The following SCAPER variants were observed in gnomAD, a reference collection of about 807,000 sequenced individuals.
SCAPER encodes the protein S-phase cyclin A associated protein in the ER, also known as S phase cyclin A-associated protein in the endoplasmic reticulum.
A neutral mutation model predicts 182.2 loss-of-function variants in SCAPER; 98 were observed. The ratio of observed to expected loss-of-function variants is 0.54; its 90% confidence interval spans 0.46 to 0.64. The LOEUF (loss-of-function observed/expected upper bound fraction) is 0.64, where lower values mean the gene tolerates loss of function less well. Ranked by LOEUF, SCAPER falls within the 30% of genes least tolerant of loss-of-function variation. The pLI, the probability that SCAPER is intolerant of heterozygous loss-of-function variation, is 0.00. For missense variants in SCAPER, 1,432 were observed against 1,690.0 expected (o/e 0.85, Z 2.68); for synonymous variants, 605 against 564.6 (o/e 1.07, Z -1.01).
At chr15:76,600,429 G>A (rs193295460) in intron 22 of SCAPER, among the ~76,000 whole-genome samples, 10,821 of 69,768 alleles carry the variant, frequency 0.16, 3,079 homozygotes, top group Middle Eastern at 0.31. Flanking sequence ...GTGTGTGTGT[G>A]TATACATATA....
intron 4 of SCAPER, among the ~76,000 whole-genome samples, chr15:76,848,142 G>A (rs1449331374): frequency 6.6e-6 from 1 of 151,634 alleles, no homozygotes; most frequent in African/African-American, 2.4e-5. Context: ...CGAGTAGCTG[G>A]GATTACAGCC....
intron 23 of SCAPER, among the ~76,000 whole-genome samples, chr15:76,526,067 T>C (rs1168523609): frequency 6.6e-6 from 1 of 152,218 alleles, no homozygotes; most frequent in Non-Finnish European, 1.5e-5. Flanking sequence ...CAATAATTAA[T>C]AAAATACTCA....
chr15:76,775,236 C>T (rs2063678334), intron 8 of SCAPER, 119 bp from the exon 9 acceptor site: 6 of 829,230 alleles, frequency 7.2e-6, no homozygotes, highest in Non-Finnish European at 1.1e-5. Flanking sequence ...AATATACAAA[C>T]ATGAGAGTAT....
At chr15:76,618,363 CCTAT>C (rs2051691381) in intron 22 of SCAPER, among the ~76,000 whole-genome samples, 1 of 152,026 alleles carries the variant, frequency 6.6e-6, no homozygotes, top group African/African-American at 2.4e-5. Flanking sequence ...TTAGCTGAGT[CCTAT>C]CTCATATTCC....
At chr15:76,845,675 C>T (rs2069994709) in intron 4 of SCAPER, among the ~76,000 whole-genome samples, 1 of 151,658 alleles carries the variant, frequency 6.6e-6, no homozygotes, top group African/African-American at 2.4e-5. Context: ...AATGAATACA[C>T]TGATAAAAGA....
At chr15:76,782,496 T>C (rs912706670) in intron 8 of SCAPER, among the ~76,000 whole-genome samples, 1 of 152,096 alleles carries the variant, frequency 6.6e-6, no homozygotes, top group Non-Finnish European at 1.5e-5. Context: ...AGCAAAGATA[T>C]CCATGACTTG....
At chr15:76,528,956 G>A (rs146094132) in intron 23 of SCAPER, among the ~76,000 whole-genome samples, 1 of 152,180 alleles carries the variant, frequency 6.6e-6, no homozygotes, top group Non-Finnish European at 1.5e-5. Flanking sequence ...TGTTAAAAAC[G>A]TCCTACTCAT....
At chr15:76,622,477 AG>A (rs1488153559) in intron 21 of SCAPER, among the ~76,000 whole-genome samples, 2 of 152,212 alleles carry the variant, frequency 1.3e-5, no homozygotes. Context: ...AGCCCTAATG[AG>A]GAAAAAAGCA....
At chr15:76,415,629 TATC>T (rs1334232927) in intron 26 of SCAPER, among the ~76,000 whole-genome samples, 1 of 152,210 alleles carries the variant, frequency 6.6e-6, no homozygotes, top group African/African-American at 2.4e-5. Context: ...GGCAAAATAA[TATC>T]ATAGCATTTA....
chr15:76,412,538 C>G (rs954921842), intron 26 of SCAPER, among the ~76,000 whole-genome samples: 4 of 152,004 alleles, frequency 2.6e-5, no homozygotes, highest in African/African-American at 9.7e-5. Flanking sequence ...TCAGCTCCCC[C>G]ACCCCAAATA....
rs561077569 is a variant in SCAPER at position 76,408,711 on chromosome 15, T to G, written c.3312-4032A>C. Among the ~76,000 whole-genome samples the G allele has an allele frequency of 1.6e-4, 24 of 151,628 alleles. No homozygotes were observed. In the South Asian group the frequency reaches 5.0e-3, roughly 32 times the overall value. ...TGCTCAAGGAAGGCAACGCACAAGC[T>G]CAAGCAAAGACGGCTGGAACATTCT... On this transcript the variant is annotated intron_variant, in intron 26 of 31. Transcript: ENST00000563290.
chr15:76,412,608 TC>T (rs1231233915), intron 26 of SCAPER, among the ~76,000 whole-genome samples: 1 of 152,196 alleles, frequency 6.6e-6, no homozygotes, highest in Non-Finnish European at 1.5e-5. Context: ...GACCTATTGA[TC>T]AATCTTATAC....
At chr15:76,586,843 TTCTC>T (rs1183333492) in intron 22 of SCAPER, among the ~76,000 whole-genome samples, 2 of 152,242 alleles carry the variant, frequency 1.3e-5, no homozygotes, top group African/African-American at 4.8e-5. Flanking sequence ...GATTCCCTCT[TTCTC>T]TATCTCGTGG....
At chr15:76,349,199 A>AAAAAAAC (rs889337450) in intron 31 of SCAPER, 6 of 152,298 alleles carry the variant, frequency 3.9e-5, no homozygotes, top group Admixed American at 2.6e-4. Context: ...CCCTGTCTCA[A>AAAAAAAC]AAAAAACAAA....
At chr15:76,423,458 T>C (rs1292304993) in intron 26 of SCAPER, among the ~76,000 whole-genome samples, 1 of 152,256 alleles carries the variant, frequency 6.6e-6, no homozygotes, top group African/African-American at 2.4e-5. Context: ...GTGGGATCAG[T>C]GGTGATATCC....
chr15:76,895,870 C>T (rs2074405318), intron 1 of SCAPER, among the ~76,000 whole-genome samples: 1 of 151,970 alleles, frequency 6.6e-6, no homozygotes, highest in South Asian at 2.1e-4. Flanking sequence ...GAAACCCCAT[C>T]TCTACTAAAA....
intron 1 of SCAPER, among the ~76,000 whole-genome samples, chr15:76,893,609 G>A (rs2074273992): frequency 6.6e-6 from 1 of 152,084 alleles, no homozygotes; most frequent in Non-Finnish European, 1.5e-5. Context: ...TCCAACAGCA[G>A]CAGAATATAC....
rs368648644 is a variant in SCAPER at position 76,390,367 on chromosome 15, G to C, written c.3468-8752C>G. Reference sequence around the variant, plus strand: ...AACAACCTGGAAGAGGCTGAAGAAAGAGCAAGACCAGAGGACACCAATAAG... The same window carrying C: ...AACAACCTGGAAGAGGCTGAAGAAACAGCAAGACCAGAGGACACCAATAAG... On this transcript the variant is annotated intron_variant, in intron 27 of 31. Transcript: ENST00000563290. Among the ~76,000 whole-genome samples the C allele has an allele frequency of 3.7e-4, 56 of 152,324 alleles. 4 individuals carry two copies. The South Asian group carries it at 0.012, about 32-fold the overall frequency.
chr15:76,408,209 G>C (rs2045010869), intron 26 of SCAPER, among the ~76,000 whole-genome samples: 1 of 152,112 alleles, frequency 6.6e-6, no homozygotes, highest in Non-Finnish European at 1.5e-5. Context: ...CTTTGAAAAT[G>C]TATGTATTTG....
Sources: allele counts gnomAD v4.1 joint callset (sites outside exome capture counted in the v4.1 genomes callset), GRCh38; gene constraint gnomAD v4.1.1; transcripts MANE v1.5; gene names NCBI Gene and HGNC (gene_info 2026-07-23, HGNC 2026-07-21).